SLC9D1: variants seen among roughly 807,000 people sequenced by gnomAD.
SLC9D1 encodes the protein putative LAG1-interacting protein.
chr13:113,511,636 T>C, the SLC9D1 span: 103 of 152,388 alleles, frequency 6.8e-4, no homozygotes, highest in Non-Finnish European at 1.1e-3. Context: ...CCAGCATCCC[T>C]GTGGGCTGGT....
the SLC9D1 span, among the ~76,000 whole-genome samples, chr13:113,493,472 A>T: frequency 5.9e-5 from 9 of 152,178 alleles, no homozygotes; most frequent in Admixed American, 5.9e-4. Context: ...CAGTTGAGTG[A>T]GTCATTAAAA....
At chr13:113,512,483 G>T in the SLC9D1 span, among the ~76,000 whole-genome samples, 2 of 149,986 alleles carry the variant, frequency 1.3e-5, no homozygotes, top group African/African-American at 4.9e-5. Context: ...GGAGGGGGTT[G>T]GAGCGTAGAT....
At chr13:113,503,363 G>A in the SLC9D1 span, 7 of 609,022 alleles carry the variant, frequency 1.1e-5, no homozygotes, top group East Asian at 1.4e-4. Context: ...GTGTGTGTGT[G>A]TGTGTGTGTG....
At chr13:113,546,144 C>T in the SLC9D1 span, among the ~76,000 whole-genome samples, 12 of 152,230 alleles carry the variant, frequency 7.9e-5, no homozygotes, top group South Asian at 2.1e-4. The surrounding 1 kb of genome is among the most constrained non-coding windows in gnomAD (Gnocchi z 7.1). Flanking sequence ...GTTGTGCCGG[C>T]GTGGACATAG....
the SLC9D1 span, among the ~76,000 whole-genome samples, chr13:113,533,047 C>G: frequency 6.3e-5 from 2 of 31,784 alleles, 1 homozygote; most frequent in East Asian, 1.9e-3. Flanking sequence ...AAGGACGCTG[C>G]CTCCCTCCTG....
chr13:113,515,905 A>G, the SLC9D1 span, among the ~76,000 whole-genome samples: 1 of 151,792 alleles, frequency 6.6e-6, no homozygotes, highest in Non-Finnish European at 1.5e-5. Context: ...AAAAAAAAAA[A>G]AAAAAAAAAG....
chr13:113,502,954 G>A, the SLC9D1 span, among the ~76,000 whole-genome samples: 4 of 152,326 alleles, frequency 2.6e-5, no homozygotes, highest in South Asian at 4.1e-4. Flanking sequence ...CAGAGGAGCC[G>A]CAAGCCCACG....
the SLC9D1 span, among the ~76,000 whole-genome samples, chr13:113,500,423 A>G: frequency 6.6e-6 from 1 of 152,242 alleles, no homozygotes; most frequent in Non-Finnish European, 1.5e-5. Context: ...ATGGGATTAA[A>G]GCTTTAGTCA....
the SLC9D1 span, chr13:113,520,400 C>G: frequency 1.1e-5 from 4 of 376,844 alleles, no homozygotes; most frequent in Non-Finnish European, 1.9e-5. Flanking sequence ...AGGAGAATCA[C>G]TTGAACCCGG....
the SLC9D1 span, among the ~76,000 whole-genome samples, chr13:113,497,551 T>TGCAGC: frequency 7.4e-6 from 1 of 134,436 alleles, no homozygotes; most frequent in African/African-American, 2.9e-5. Context: ...TGTGCGAGAC[T>TGCAGC]TGTAGCTGTG....
the SLC9D1 span, among the ~76,000 whole-genome samples, chr13:113,495,202 T>G: frequency 2.6e-5 from 4 of 152,132 alleles, no homozygotes; most frequent in Non-Finnish European, 5.9e-5. Context: ...TTGCACATGG[T>G]GGAGTTGGTA....
chr13:113,536,816 G>T, the SLC9D1 span, among the ~76,000 whole-genome samples: 1 of 152,212 alleles, frequency 6.6e-6, no homozygotes, highest in African/African-American at 2.4e-5. Context: ...CTGCTGATGA[G>T]CCTAGTAGAG....
chr13:113,512,894 T>C, the SLC9D1 span, among the ~76,000 whole-genome samples: 1 of 146,160 alleles, frequency 6.8e-6, no homozygotes, highest in Non-Finnish European at 1.5e-5. Flanking sequence ...TCAGTATATA[T>C]GGACTCGGAG....
chr13:113,491,373 C>G, the SLC9D1 span: 1 of 152,140 alleles, frequency 6.6e-6, no homozygotes, highest in Admixed American at 6.6e-5. Flanking sequence ...CCGGGGCTCA[C>G]CTTCCCTTCT....
the SLC9D1 span, among the ~76,000 whole-genome samples, chr13:113,515,632 T>C: frequency 1.3e-5 from 2 of 152,198 alleles, no homozygotes; most frequent in East Asian, 3.9e-4. Context: ...TGGCTCACGC[T>C]GGTAATCCCA....
chr13:113,522,688 A>G, the SLC9D1 span, among the ~76,000 whole-genome samples: 4 of 151,296 alleles, frequency 2.6e-5, no homozygotes, highest in Admixed American at 1.3e-4. Context: ...GGCTGGATGC[A>G]GTGTCGTGAT....
At chr13:113,520,597 A>C in the SLC9D1 span, 2 of 1,592,854 alleles carry the variant, frequency 1.3e-6, no homozygotes, top group Non-Finnish European at 1.7e-6. Context: ...ACCTGTCTTC[A>C]ATGCCTTTCC....
At chr13:113,498,292 C>A in the SLC9D1 span, 1 of 1,341,172 alleles carries the variant, frequency 7.5e-7, no homozygotes, top group Non-Finnish European at 1.0e-6. Context: ...AAGTCATGTC[C>A]TAGCTTATTT....
chr13:113,534,074 T>G, the SLC9D1 span: 1 of 1,608,586 alleles, frequency 6.2e-7, no homozygotes, highest in South Asian at 1.1e-5. Context: ...CGAATCCTGG[T>G]TTTGATTGGT....
Sources: gnomAD v4.1 joint callset for allele counts (sites outside exome capture counted in the v4.1 genomes callset) on GRCh38, gnomAD v4.1.1 for gene constraint, Gnocchi (gnomAD v3.1) non-coding constraint, MANE v1.5 for transcripts, NCBI Gene and HGNC (gene_info 2026-07-23, HGNC 2026-07-21) for gene names.